Variants in PIK3C2G observed in about 807,000 individuals in gnomAD.
The protein encoded by PIK3C2G is phosphatidylinositol 3-kinase C2 domain-containing subunit gamma.
A neutral mutation model predicts 181.1 loss-of-function variants in PIK3C2G; 168 were observed. That is an observed-to-expected ratio of 0.93 (90% CI 0.82 to 1.05). PIK3C2G has a LOEUF of 1.05. Ranked by LOEUF, PIK3C2G falls within the 50% of genes least tolerant of loss-of-function variation. The pLI is 0.00. For synonymous variants in PIK3C2G, 573 were observed against 592.2 expected, an observed-to-expected ratio of 0.97 and a Z score of 0.47; for missense variants, 1,869 against 1,732.8, an observed-to-expected ratio of 1.08 and a Z score of -1.40.
At chr12:18,534,952 T>G (rs1943769969) in intron 24 of PIK3C2G, among the ~76,000 whole-genome samples, 1 of 152,074 alleles carries the variant, frequency 6.6e-6, no homozygotes, top group African/African-American at 2.4e-5. Context: ...ATCTATAGTT[T>G]ATTTTTATAG....
chr12:18,312,011 C>T (rs934139762), intron 5 of PIK3C2G, among the ~76,000 whole-genome samples: 3 of 152,130 alleles, frequency 2.0e-5, no homozygotes, highest in Admixed American at 6.5e-5. Context: ...ATGTAGGCTG[C>T]GAGGCTAAGC....
chr12:18,715,455 G>A, the PIK3C2G span, among the ~76,000 whole-genome samples: 2 of 151,146 alleles, frequency 1.3e-5, no homozygotes, highest in African/African-American at 2.4e-5. Context: ...AGACTGGGGT[G>A]CAGTGGCGCG....
At chr12:18,286,754 T>C (rs1949462677) in intron 2 of PIK3C2G, 93 bp from the exon 3 acceptor site, 1 of 695,928 alleles carries the variant, frequency 1.4e-6, no homozygotes, top group South Asian at 2.1e-5. Context: ...AAAAATGAAG[T>C]CTGAATGAAA....
intron 18 of PIK3C2G, among the ~76,000 whole-genome samples, chr12:18,436,164 A>G (rs1946436774): frequency 1.3e-5 from 2 of 151,998 alleles, no homozygotes; most frequent in African/African-American, 2.4e-5. Flanking sequence ...TCCTTAGTCT[A>G]CTTCACATCA....
the PIK3C2G span, among the ~76,000 whole-genome samples, chr12:18,722,874 A>AT: frequency 6.6e-6 from 1 of 151,870 alleles, no homozygotes; most frequent in African/African-American, 2.4e-5. Context: ...TCTTCTTAGA[A>AT]TTTTTTTTCA....
At chr12:18,617,070 C>T (rs926239487) in intron 31 of PIK3C2G, among the ~76,000 whole-genome samples, 1 of 152,076 alleles carries the variant, frequency 6.6e-6, no homozygotes, top group Non-Finnish European at 1.5e-5. Flanking sequence ...TATCTCATCC[C>T]TTTAGCTTAC....
chr12:18,397,286 A>G (rs918451498), intron 15 of PIK3C2G, among the ~76,000 whole-genome samples: 1 of 152,042 alleles, frequency 6.6e-6, no homozygotes, highest in African/African-American at 2.4e-5. Context: ...AGTAATAACT[A>G]TTTAAAAGTT....
rs1942854192 is a variant in PIK3C2G at position 18,381,804 on chromosome 12, T to C, written c.1919T>C (p.Leu640Ser). ...ILGSMLFSMT[L>S]QSEPPVEMIT... The stretch of plus-strand genomic sequence containing the variant: ...GGGTCTATGCTGTTCAGCATGACAT[T>C]ACAGAGTGAGCCTCCCGTAGAAATG... Residue 640 changes from leucine (L) to serine (S), a missense_variant, in exon 14 of 33, where the codon TTA becomes TCA. By Grantham distance (145) the Leu-to-Ser change is moderately radical. Coordinates refer to ENST00000538779, the MANE Select transcript of PIK3C2G (RefSeq NM_001288772.2). 1 of 1,613,710 alleles carries C rather than the reference T, an allele frequency of 6.2e-7. No homozygotes were observed. The highest frequency in any genetic ancestry group is 8.5e-7 in the Non-Finnish European group (1 of 1,179,596).
chr12:18,374,596 T>C (rs1161943326), intron 13 of PIK3C2G, among the ~76,000 whole-genome samples: 1 of 152,204 alleles, frequency 6.6e-6, no homozygotes, highest in East Asian at 1.9e-4. Flanking sequence ...CCTCCCTTCC[T>C]GCTCTTAGGT....
Position 18,648,138 on chromosome 12 carries a change from A to G in PIK3C2G, c.*110A>G. On this transcript the variant is annotated 3_prime_UTR_variant, in exon 33 of 33. Coordinates refer to ENST00000538779, the MANE Select transcript of PIK3C2G (RefSeq NM_001288772.2). ...TTTGTTGTCAAAGACAGCACAGGGT[A>G]TTAAGGACACAGAAAAAAAATCAGA... 3.9e-6 allele frequency: 2 copies of G among 514,756 alleles called. No homozygotes were observed. Among genetic ancestry groups the G allele is most frequent in the Non-Finnish European group, 6.4e-6 (2 of 310,888 alleles). 31.9% of individuals were successfully genotyped at this position (514,756 alleles called of 1,614,324 possible).
At chr12:18,623,256 G>A (rs1948943971) in intron 31 of PIK3C2G, among the ~76,000 whole-genome samples, 1 of 151,576 alleles carries the variant, frequency 6.6e-6, no homozygotes, top group African/African-American at 2.4e-5. Context: ...TTATTCTTTT[G>A]CATATGAATA....
downstream of PIK3C2G, among the ~76,000 whole-genome samples, chr12:18,652,134 C>T (rs1261872740): frequency 3.3e-5 from 5 of 151,836 alleles, no homozygotes; most frequent in Non-Finnish European, 7.4e-5. Context: ...AAGTCCTAAC[C>T]CCAGGTACCT....
intron 1 of PIK3C2G, among the ~76,000 whole-genome samples, chr12:18,272,221 G>A (rs1948773343): frequency 6.6e-6 from 1 of 151,974 alleles, no homozygotes; most frequent in South Asian, 2.1e-4. Context: ...ACTTGTTAAA[G>A]AAACCATATT....
intron 15 of PIK3C2G, among the ~76,000 whole-genome samples, chr12:18,394,168 C>T (rs528790870): frequency 6.6e-6 from 1 of 151,884 alleles, no homozygotes; most frequent in African/African-American, 2.4e-5. Flanking sequence ...ATAAAGAAAC[C>T]AAAAAGATGC....
At chr12:18,500,929 C>CA (rs1565454092) in intron 22 of PIK3C2G, among the ~76,000 whole-genome samples, 1 of 152,124 alleles carries the variant, frequency 6.6e-6, no homozygotes, top group Non-Finnish European at 1.5e-5. Context: ...ACCACGAACC[C>CA]ACCGGGAGGA....
chr12:18,324,147 G>A (rs188245164), intron 7 of PIK3C2G, among the ~76,000 whole-genome samples: 2 of 151,994 alleles, frequency 1.3e-5, no homozygotes, highest in East Asian at 3.9e-4. Flanking sequence ...GTGAACCCCG[G>A]GGGGCGGAGC....
In PIK3C2G at chr12:18,399,667, A is replaced by T; in HGVS notation, c.2135A>T (p.Glu712Val). 6.4e-7 allele frequency: 1 copy of T among 1,553,286 alleles called. No homozygotes were observed. The highest frequency in any genetic ancestry group is 1.8e-5 in the Admixed American group (1 of 57,120). Residue 712 changes from glutamate to valine, a missense_variant, in exon 16 of 33, where the codon GAA (glutamate) becomes GTA (valine). Transcript: ENST00000538779. The part of the protein sequence containing the change: ...SQKQTPLLLS[E>V]EKKRYLWFYR... ...CCAATCTGGTTTTTCAGACTCTCTG[A>T]AGAAAAGAAAAGATATTTATGGTTT...
intron 29 of PIK3C2G, among the ~76,000 whole-genome samples, chr12:18,576,599 G>A (rs1373287372): frequency 6.6e-6 from 1 of 152,172 alleles, no homozygotes; most frequent in East Asian, 1.9e-4. Context: ...CAAAACAATA[G>A]GAAAGCAAGA....
At chr12:18,647,321 AG>A (rs940776821) in intron 32 of PIK3C2G, among the ~76,000 whole-genome samples, 1 of 152,044 alleles carries the variant, frequency 6.6e-6, no homozygotes, top group African/African-American at 2.4e-5. Flanking sequence ...AAGGAGACCA[AG>A]GGTAGAAAAA....
Sources: gnomAD v4.1 joint callset for allele counts (sites outside exome capture counted in the v4.1 genomes callset) on GRCh38, gnomAD v4.1.1 for gene constraint, MANE v1.5 for transcripts, NCBI Gene and HGNC (gene_info 2026-07-23, HGNC 2026-07-21) for gene names.